RBFOX1: variants seen among roughly 807,000 people sequenced by gnomAD.
The protein encoded by RBFOX1 is RNA binding fox-1 homolog 1.
Under a neutral mutation model 57.7 loss-of-function variants are expected in RBFOX1, and 8 were observed. The ratio of observed to expected loss-of-function variants is 0.14; its 90% CI spans 0.08 to 0.25. The LOEUF (loss-of-function observed/expected upper bound fraction) is 0.25, where lower values mean the gene tolerates loss of function less well. RBFOX1 is among the 10% of genes least tolerant of loss of function. RBFOX1 has a pLI of 1.00. For missense variants in RBFOX1, 611 were observed against 548.5 expected (o/e 1.11, Z -1.14); for synonymous variants, 326 against 222.4 (o/e 1.47, Z -4.15).
chr16:5,566,259 G>A (rs571840300), intron 2 of RBFOX1, among the ~76,000 whole-genome samples: 1 of 152,226 alleles, frequency 6.6e-6, no homozygotes, highest in African/African-American at 2.4e-5. Context: ...TTTCTGCTGA[G>A]GGTTCATGTA....
At chr16:7,470,964 A>G (rs11077186) in intron 4 of RBFOX1, among the ~76,000 whole-genome samples, 78,273 of 151,784 alleles carry the variant, frequency 0.52, 20,501 homozygotes, top group East Asian at 0.76. Context: ...AATTAAATCA[A>G]TGACAGTCTT....
intron 4 of RBFOX1, among the ~76,000 whole-genome samples, chr16:7,182,642 C>T (rs188009485): frequency 9.2e-5 from 14 of 152,206 alleles, no homozygotes; most frequent in Non-Finnish European, 1.6e-4. Flanking sequence ...TCCATAGATT[C>T]CAGAGGATTC....
intron 3 of RBFOX1, among the ~76,000 whole-genome samples, chr16:6,673,864 T>C (rs909877924): frequency 6.6e-6 from 1 of 152,092 alleles, no homozygotes; most frequent in Admixed American, 6.5e-5. Flanking sequence ...GTTACAGATA[T>C]TAAGAGAAGA....
At chr16:7,367,989 A>T (rs539811732) in intron 4 of RBFOX1, among the ~76,000 whole-genome samples, 1 of 152,156 alleles carries the variant, frequency 6.6e-6, no homozygotes, top group Non-Finnish European at 1.5e-5. Context: ...AGAGAGAGCC[A>T]GGCATGGTGT....
chr16:7,081,500 G>C (rs956521081), intron 4 of RBFOX1, among the ~76,000 whole-genome samples: 9 of 152,308 alleles, frequency 5.9e-5, no homozygotes, highest in Middle Eastern at 3.4e-3. Context: ...CCCAAGGCTA[G>C]AAAAATAGAA....
At chr16:7,088,189 G>A (rs1014263151) in intron 4 of RBFOX1, among the ~76,000 whole-genome samples, 2 of 152,144 alleles carry the variant, frequency 1.3e-5, no homozygotes, top group African/African-American at 4.8e-5. Flanking sequence ...AACATTGATG[G>A]TGGTGAATTC....
At chr16:6,941,345 TCC>T (rs2078474840) in intron 3 of RBFOX1, among the ~76,000 whole-genome samples, 1 of 143,448 alleles carries the variant, frequency 7.0e-6, no homozygotes, top group Non-Finnish European at 1.5e-5. Flanking sequence ...CTTCCTTCCT[TCC>T]TTCCTTCCTT....
At chr16:6,104,861 C>T (rs2096359566) in intron 1 of RBFOX1, among the ~76,000 whole-genome samples, 1 of 152,278 alleles carries the variant, frequency 6.6e-6, no homozygotes, top group East Asian at 1.9e-4. Flanking sequence ...TATGAGATTC[C>T]TGTTTATGAA....
intron 3 of RBFOX1, among the ~76,000 whole-genome samples, chr16:7,002,393 A>T (rs1162127221): frequency 1.3e-5 from 2 of 152,228 alleles, no homozygotes; most frequent in African/African-American, 4.8e-5. Context: ...CTGTTTATCC[A>T]GCAAGAAAGA....
At chr16:6,962,694 G>T (rs1393808709) in intron 3 of RBFOX1, among the ~76,000 whole-genome samples, 1 of 152,070 alleles carries the variant, frequency 6.6e-6, no homozygotes, top group Non-Finnish European at 1.5e-5. Flanking sequence ...GTGAAAGTCA[G>T]CCTCTACAAA....
At chr16:7,703,576 C>G (rs1478416870) in intron 14 of RBFOX1, among the ~76,000 whole-genome samples, 3 of 152,168 alleles carry the variant, frequency 2.0e-5, no homozygotes, top group African/African-American at 7.2e-5. Flanking sequence ...TACTGTGGCC[C>G]TATAAGAAAA....
At chr16:5,706,371 C>T (rs975475598) in intron 3 of RBFOX1, among the ~76,000 whole-genome samples, 5 of 152,156 alleles carry the variant, frequency 3.3e-5, no homozygotes, top group Non-Finnish European at 7.3e-5. Flanking sequence ...TTCAAGGTGT[C>T]GATTGCCCCG....
intron 4 of RBFOX1, among the ~76,000 whole-genome samples, chr16:7,436,828 A>G (rs1045605346): frequency 6.6e-6 from 1 of 152,210 alleles, no homozygotes; most frequent in Non-Finnish European, 1.5e-5. Flanking sequence ...TTGGGAGACC[A>G]AGGCAGGCGG....
chr16:7,341,990 C>T (rs1345125962), intron 4 of RBFOX1, among the ~76,000 whole-genome samples: 1 of 151,992 alleles, frequency 6.6e-6, no homozygotes, highest in African/African-American at 2.4e-5. Context: ...GTATTGGCTC[C>T]TGGAGGAGGG....
intron 1 of RBFOX1, among the ~76,000 whole-genome samples, chr16:6,137,606 A>AT (rs57190040): frequency 0.018 from 1,771 of 98,326 alleles, 93 homozygotes; most frequent in East Asian, 0.028. Flanking sequence ...GCGCCTGGTC[A>AT]TTTTTTTTTT....
At chr16:5,422,316 A>C (rs2067356682) in intron 1 of RBFOX1, among the ~76,000 whole-genome samples, 1 of 136,050 alleles carries the variant, frequency 7.4e-6, no homozygotes, top group Admixed American at 7.3e-5. Flanking sequence ...GGGAAAATGT[A>C]GCAAAGGGGA....
At chr16:5,464,974 A>C (rs8043802) in intron 1 of RBFOX1, among the ~76,000 whole-genome samples, 4,689 of 152,280 alleles carry the variant, frequency 0.031, 217 homozygotes, top group African/African-American at 0.11. Flanking sequence ...CTGAGCTGAC[A>C]CAGGGGTCTG....
chr16:6,000,817 G>A (rs977959887), intron 4 of RBFOX1, among the ~76,000 whole-genome samples: 2 of 146,710 alleles, frequency 1.4e-5, no homozygotes, highest in South Asian at 4.5e-4. Flanking sequence ...GGGTGGATGA[G>A]TTGGTGGGTG....
chr16:7,032,776 G>A (rs902336040), intron 3 of RBFOX1, among the ~76,000 whole-genome samples: 5 of 151,998 alleles, frequency 3.3e-5, no homozygotes, highest in African/African-American at 7.3e-5. Flanking sequence ...CCCTCTATGA[G>A]ACACCCCCGC....
Sources: gnomAD v4.1 joint callset for allele counts (sites outside exome capture counted in the v4.1 genomes callset) on GRCh38, gnomAD v4.1.1 for gene constraint, MANE v1.5 for transcripts, NCBI Gene and HGNC (gene_info 2026-07-23, HGNC 2026-07-21) for gene names.